Variants in TBC1D22B observed in about 807,000 individuals in gnomAD.
TBC1D22B encodes the protein TBC1 domain family member 22B.
TBC1D22B carries 32 observed loss-of-function variants against 69.1 expected under a neutral mutation model. That is an observed-to-expected ratio of 0.46 (90% CI 0.35 to 0.62). The LOEUF (loss-of-function observed/expected upper bound fraction) is 0.62, where lower values mean the gene tolerates loss of function less well. TBC1D22B is among the 20% of genes least tolerant of loss of function. The pLI, the probability that TBC1D22B is intolerant of heterozygous loss-of-function variation, is 0.00. For missense variants in TBC1D22B, 462 were observed against 630.9 expected (o/e 0.73, Z 2.87); for synonymous variants, 206 against 229.8 (o/e 0.90, Z 0.94).
intron 8 of TBC1D22B, among the ~76,000 whole-genome samples, chr6:37,291,753 G>A (rs775699009): frequency 9.2e-5 from 14 of 152,162 alleles, no homozygotes; most frequent in African/African-American, 2.7e-4. Flanking sequence ...GGATGTGGAC[G>A]TGCAGAGGAC....
At chr6:37,269,137 C>T (rs1313252595) in intron 1 of TBC1D22B, among the ~76,000 whole-genome samples, 6 of 152,106 alleles carry the variant, frequency 3.9e-5, no homozygotes, top group Non-Finnish European at 8.8e-5. Context: ...ACTTTATACC[C>T]CTCCTGCAGT....
intron 2 of TBC1D22B, among the ~76,000 whole-genome samples, chr6:37,273,730 A>G (rs181720817): frequency 6.6e-6 from 1 of 152,222 alleles, no homozygotes; most frequent in Admixed American, 6.5e-5. Context: ...TGATGTTGAT[A>G]TTTTACAACA....
At chr6:37,303,496 C>G (rs940511013) in intron 8 of TBC1D22B, among the ~76,000 whole-genome samples, 1 of 152,172 alleles carries the variant, frequency 6.6e-6, no homozygotes, top group Non-Finnish European at 1.5e-5. Flanking sequence ...GATTGCTGAA[C>G]CAGCCAAGCA....
At chr6:37,307,276 C>T (rs966473627) in intron 8 of TBC1D22B, among the ~76,000 whole-genome samples, 8 of 151,314 alleles carry the variant, frequency 5.3e-5, no homozygotes, top group Non-Finnish European at 8.8e-5. Context: ...TTAAGAGGTT[C>T]TTTAGATATG....
intron 8 of TBC1D22B, among the ~76,000 whole-genome samples, chr6:37,309,504 G>A (rs1381255774): frequency 6.6e-6 from 1 of 152,152 alleles, no homozygotes; most frequent in Non-Finnish European, 1.5e-5. Context: ...TGTGTAGGAG[G>A]AGTTGGGGTG....
intron 2 of TBC1D22B, among the ~76,000 whole-genome samples, chr6:37,269,959 A>G (rs1042168465): frequency 6.6e-6 from 1 of 152,228 alleles, no homozygotes; most frequent in African/African-American, 2.4e-5. Flanking sequence ...AAACCAGAAC[A>G]TTGATGACCT....
At chr6:37,330,954 C>A (rs1581643132) in intron 12 of TBC1D22B, 90 bp from the exon 13 acceptor site, 4 of 1,455,410 alleles carry the variant, frequency 2.7e-6, no homozygotes, top group Non-Finnish European at 3.8e-6. Context: ...AGGAAGGGGC[C>A]CCATTCTAGG....
intron 8 of TBC1D22B, among the ~76,000 whole-genome samples, chr6:37,307,433 G>A (rs1475648830): frequency 6.7e-6 from 1 of 149,344 alleles, no homozygotes; most frequent in African/African-American, 2.5e-5. Flanking sequence ...TCGGCTCACT[G>A]CAATTTCTGC....
intron 12 of TBC1D22B, among the ~76,000 whole-genome samples, chr6:37,323,118 C>T (rs1768297731): frequency 6.6e-6 from 1 of 152,180 alleles, no homozygotes; most frequent in Non-Finnish European, 1.5e-5. Flanking sequence ...AAGCCCAGAA[C>T]ATGGGAGCCC....
At chr6:37,327,600 G>A (rs1246801344) in intron 12 of TBC1D22B, among the ~76,000 whole-genome samples, 2 of 152,106 alleles carry the variant, frequency 1.3e-5, no homozygotes, top group Non-Finnish European at 2.9e-5. Flanking sequence ...GAACCAAGAG[G>A]GAATTACTCC....
At chr6:37,298,692 C>T (rs1052874364) in intron 8 of TBC1D22B, among the ~76,000 whole-genome samples, 7 of 151,922 alleles carry the variant, frequency 4.6e-5, no homozygotes, top group African/African-American at 1.2e-4. Context: ...ACTACAGGCG[C>T]CCGCCACCAC....
chr6:37,327,141 G>A (rs553232117), intron 12 of TBC1D22B, among the ~76,000 whole-genome samples: 1 of 151,994 alleles, frequency 6.6e-6, no homozygotes, highest in East Asian at 1.9e-4. Context: ...GTGGCATGGG[G>A]GTGGGGGCAT....
intron 8 of TBC1D22B, chr6:37,295,627 A>T (rs1767339677): frequency 2.3e-6 from 1 of 434,998 alleles, no homozygotes; most frequent in Non-Finnish European, 4.6e-6. Flanking sequence ...GTTTACTATT[A>T]TCAATGGCAC....
intron 12 of TBC1D22B, among the ~76,000 whole-genome samples, chr6:37,318,279 A>T (rs1456053491): frequency 6.6e-6 from 1 of 152,188 alleles, no homozygotes; most frequent in African/African-American, 2.4e-5. Flanking sequence ...TTCCTGATGA[A>T]TTGGGTGTAG....
chr6:37,313,725 A>G, intron 9 of TBC1D22B, 91 bp from the exon 10 acceptor site: 3 of 1,239,620 alleles, frequency 2.4e-6, no homozygotes, highest in Non-Finnish European at 3.6e-6. Flanking sequence ...GCTTTGGAAA[A>G]TGGCCTGAAC....
intron 8 of TBC1D22B, among the ~76,000 whole-genome samples, chr6:37,301,424 C>G (rs1461562689): frequency 1.3e-5 from 2 of 152,176 alleles, no homozygotes; most frequent in African/African-American, 4.8e-5. Context: ...TATCCCTGGG[C>G]AACCACTAAT....
intron 1 of TBC1D22B, among the ~76,000 whole-genome samples, chr6:37,261,061 T>C (rs1048887498): frequency 2.2e-4 from 33 of 152,200 alleles, no homozygotes; most frequent in African/African-American, 8.0e-4. Context: ...TTAAGTTCTC[T>C]CAGTTATTCA....
chr6:37,298,602 G>A (rs968601930), intron 8 of TBC1D22B, among the ~76,000 whole-genome samples: 5 of 129,306 alleles, frequency 3.9e-5, no homozygotes, highest in African/African-American at 9.2e-5. Flanking sequence ...CCGGAGTGCA[G>A]TGGCGCGATC....
At chr6:37,292,032 G>A (rs148003429) in intron 8 of TBC1D22B, among the ~76,000 whole-genome samples, 190 of 152,302 alleles carry the variant, frequency 1.2e-3, no homozygotes, top group Non-Finnish European at 2.4e-3. Context: ...TGTGCTGAGA[G>A]AGTCACAGGA....
Sources: allele counts gnomAD v4.1 joint callset (sites outside exome capture counted in the v4.1 genomes callset), GRCh38; gene constraint gnomAD v4.1.1; transcripts MANE v1.5; gene names NCBI Gene and HGNC (gene_info 2026-07-23, HGNC 2026-07-21).